NBAS: variants seen among roughly 807,000 people sequenced by gnomAD.
NBAS encodes the protein NAG/BC035112 fusion.
A neutral mutation model predicts 302.5 loss-of-function variants in NBAS; 219 were observed. The observed-to-expected ratio is 0.72, with a 90% CI of 0.65 to 0.81. NBAS has a LOEUF of 0.81. NBAS is among the 30% of genes least tolerant of loss of function. The pLI is 0.00. For synonymous variants in NBAS, 1,118 were observed against 1,021.6 expected (o/e 1.09, Z -1.80); for missense variants, 2,932 against 2,841.6 (o/e 1.03, Z -0.72).
chr2:15,508,869 G>C (rs1241799494), intron 10 of NBAS, among the ~76,000 whole-genome samples: 1 of 152,076 alleles, frequency 6.6e-6, no homozygotes, highest in Non-Finnish European at 1.5e-5. Context: ...CGGGCATGAT[G>C]GGGGGTGCCT....
At chr2:15,063,709 G>A in the NBAS span, among the ~76,000 whole-genome samples, 15 of 152,126 alleles carry the variant, frequency 9.9e-5, no homozygotes, top group African/African-American at 3.6e-4. Context: ...TCGAGAATGT[G>A]CACACACAGA....
intron 29 of NBAS, 72 bp downstream of exon 29, chr2:15,383,143 T>C: frequency 7.7e-7 from 1 of 1,292,198 alleles, no homozygotes; most frequent in Non-Finnish European, 1.1e-6. Context: ...TGGTCATCAA[T>C]CTTGTATCCA....
intron 45 of NBAS, among the ~76,000 whole-genome samples, chr2:15,235,851 A>T (rs1439331509): frequency 6.6e-6 from 1 of 152,206 alleles, no homozygotes; most frequent in Admixed American, 6.5e-5. Context: ...TATTTCAGAA[A>T]AATCCCTATG....
rs186337430 is a variant in NBAS, at chr2:15,467,763, T to C, written c.1919A>G (p.Tyr640Cys). 12 of 1,596,946 alleles carry C rather than the reference T, an allele frequency of 7.5e-6. No individual in the cohort carries two copies. The highest frequency in any genetic ancestry group is 5.0e-5 in the Admixed American group (3 of 59,888). The change falls in exon 18 of 52, where the codon TAT (tyrosine) becomes TGT (cysteine). Residue 640 changes from tyrosine to cysteine, a missense_variant. Coordinates refer to ENST00000281513, the MANE Select transcript of NBAS (RefSeq NM_015909.4). ...TTCATCAGGTGGTGAAAGCTCTTCA[T>C]AGGAGATACTGTCAATGTCTATTTC... is the stretch of plus-strand genomic sequence containing the variant. ...PGEIDIDSIS[Y>C]EELSPPDEEP...
chr2:15,356,204 G>A, intron 33 of NBAS, 99 bp downstream of exon 33: 1 of 962,262 alleles, frequency 1.0e-6, no homozygotes, highest in Admixed American at 1.8e-5. Flanking sequence ...CAATGTGGCT[G>A]GCTTACCAAT....
At chr2:15,102,992 G>GAAGGAAGGAAGT in the NBAS span, among the ~76,000 whole-genome samples, 2 of 125,794 alleles carry the variant, frequency 1.6e-5, no homozygotes, top group African/African-American at 5.9e-5. Context: ...AGGAAGGAAG[G>GAAGGAAGGAAGT]AAGGAAGGAA....
At chr2:15,267,835 T>C (rs1486270756) in intron 44 of NBAS, among the ~76,000 whole-genome samples, 2 of 152,192 alleles carry the variant, frequency 1.3e-5, no homozygotes, top group East Asian at 3.8e-4. Context: ...AACAAAAATA[T>C]GTATGTACAT....
Position 15,468,521 on chromosome 2 carries a change from TCTTTA to T in NBAS, c.1733_1737del (p.Ile578LysfsTer8). 6.2e-7 allele frequency: 1 copy of T among 1,614,012 alleles called. No homozygotes were observed. Among genetic ancestry groups the T allele is most frequent in the Non-Finnish European group, 8.5e-7 (1 of 1,179,918 alleles). On this transcript the variant is annotated frameshift_variant, in exon 17 of 52. Transcript: ENST00000281513. LOFTEE classifies it high-confidence loss of function. ...CACTCATGGAGAACCCAGGATCGCT[TCTTTA>T]TTTTACTCTGCATATAAAGGAAGAA...
chr2:15,524,402 C>T (rs1012393109), intron 9 of NBAS, among the ~76,000 whole-genome samples: 2 of 152,162 alleles, frequency 1.3e-5, no homozygotes, highest in African/African-American at 4.8e-5. Flanking sequence ...AGATTGTGTG[C>T]CTGCACTTAT....
chr2:15,162,229 C>A (rs73194909), downstream of NBAS, among the ~76,000 whole-genome samples: 5,253 of 152,328 alleles, frequency 0.034, 175 homozygotes, highest in East Asian at 0.14. Context: ...AGACAACACG[C>A]ATCCCATCTG....
At chr2:15,402,917 A>G (rs768333084) in intron 25 of NBAS, among the ~76,000 whole-genome samples, 1 of 152,174 alleles carries the variant, frequency 6.6e-6, no homozygotes, top group Non-Finnish European at 1.5e-5. Context: ...AGTATTTTCC[A>G]GGATATGAAA....
chr2:15,112,009 A>G, the NBAS span, among the ~76,000 whole-genome samples: 1 of 150,052 alleles, frequency 6.7e-6, no homozygotes, highest in Non-Finnish European at 1.5e-5. Flanking sequence ...ACATTAAAAA[A>G]TGATCATTAG....
At chr2:15,532,101 C>T (rs28372024) in intron 9 of NBAS, among the ~76,000 whole-genome samples, 1 of 152,274 alleles carries the variant, frequency 6.6e-6, no homozygotes, top group East Asian at 1.9e-4. Flanking sequence ...TGGAAAATCA[C>T]TGAAATCATG....
At chr2:14,956,863 G>C in the NBAS span, among the ~76,000 whole-genome samples, 601 of 152,200 alleles carry the variant, frequency 3.9e-3, 2 homozygotes, top group Non-Finnish European at 6.1e-3. Context: ...ACCATATCAT[G>C]GGTTGAGGTA....
chr2:14,988,525 C>CATG, the NBAS span, among the ~76,000 whole-genome samples: 1 of 152,182 alleles, frequency 6.6e-6, no homozygotes, highest in East Asian at 1.9e-4. Context: ...CTCCCTCCCT[C>CATG]ATGAGGGAAG....
At chr2:15,325,353 T>C (rs1255999745) in intron 38 of NBAS, among the ~76,000 whole-genome samples, 1 of 151,676 alleles carries the variant, frequency 6.6e-6, no homozygotes, top group Non-Finnish European at 1.5e-5. Flanking sequence ...AAACCATGCA[T>C]ATATCTTAAT....
intron 35 of NBAS, among the ~76,000 whole-genome samples, chr2:15,350,258 C>T (rs1239621505): frequency 6.6e-6 from 1 of 151,962 alleles, no homozygotes; most frequent in Non-Finnish European, 1.5e-5. Flanking sequence ...ATACTAATGA[C>T]TTTGTCAAGA....
chr2:14,969,543 AT>A, the NBAS span, among the ~76,000 whole-genome samples: 2 of 151,864 alleles, frequency 1.3e-5, no homozygotes, highest in East Asian at 3.9e-4. Flanking sequence ...TACGCGGCTA[AT>A]TTTTTTATTT....
the NBAS span, among the ~76,000 whole-genome samples, chr2:15,053,082 TG>T: frequency 6.6e-6 from 1 of 152,186 alleles, no homozygotes; most frequent in African/African-American, 2.4e-5. Flanking sequence ...AAAGAAGAGA[TG>T]GAGCATTTTT....
Sources: gnomAD v4.1 joint callset for allele counts (sites outside exome capture counted in the v4.1 genomes callset) on GRCh38, gnomAD v4.1.1 for gene constraint, MANE v1.5 for transcripts, NCBI Gene and HGNC (gene_info 2026-07-23, HGNC 2026-07-21) for gene names.